TRPS1: variants seen among roughly 807,000 people sequenced by gnomAD.
TRPS1 encodes the protein transcriptional repressor GATA binding 1.
Under a neutral mutation model 101.2 loss-of-function variants are expected in TRPS1, and 6 were observed. The observed-to-expected ratio is 0.06, with a 90% confidence interval of 0.03 to 0.12. TRPS1 has a LOEUF of 0.12. Ranked by LOEUF, TRPS1 falls within the 10% of genes least tolerant of loss-of-function variation. TRPS1 has a pLI of 1.00. For synonymous variants in TRPS1, 578 were observed against 589.8 expected (o/e 0.98, Z 0.29); for missense variants, 1,363 against 1,567.0 (o/e 0.87, Z 2.20).
At chr8:115,588,115 C>T (rs1360709646) in intron 4 of TRPS1, among the ~76,000 whole-genome samples, 1 of 152,200 alleles carries the variant, frequency 6.6e-6, no homozygotes, top group Non-Finnish European at 1.5e-5. Flanking sequence ...CCTGTAGATA[C>T]ACTTCAATTT....
chr8:115,651,037 T>C (rs914002444), intron 1 of TRPS1, among the ~76,000 whole-genome samples: 1 of 152,126 alleles, frequency 6.6e-6, no homozygotes, highest in African/African-American at 2.4e-5. Context: ...CCTGAGAACA[T>C]TCAAAACATG....
At chr8:115,490,943 G>A (rs1391308696) in intron 5 of TRPS1, among the ~76,000 whole-genome samples, 6 of 151,998 alleles carry the variant, frequency 3.9e-5, no homozygotes, top group African/African-American at 1.4e-4. Context: ...TACAATTATC[G>A]AAACACACGG....
At chr8:115,517,735 T>C (rs1378846560) in intron 5 of TRPS1, among the ~76,000 whole-genome samples, 2 of 151,730 alleles carry the variant, frequency 1.3e-5, no homozygotes, top group African/African-American at 4.8e-5. Context: ...ATTTCCAGAC[T>C]ATGTAGGAGA....
intron 5 of TRPS1, among the ~76,000 whole-genome samples, chr8:115,472,830 G>A (rs1814505872): frequency 6.6e-6 from 1 of 152,028 alleles, no homozygotes; most frequent in Non-Finnish European, 1.5e-5. Flanking sequence ...TCTAGGGCTG[G>A]GGCAAATGCC....
intron 6 of TRPS1, among the ~76,000 whole-genome samples, chr8:115,417,596 A>C (rs1271916163): frequency 6.6e-6 from 1 of 152,228 alleles, no homozygotes; most frequent in Non-Finnish European, 1.5e-5. Context: ...ATCCATATTC[A>C]GATGGAGGAT....
chr8:115,553,185 T>C (rs537770579), intron 5 of TRPS1, among the ~76,000 whole-genome samples: 26 of 152,118 alleles, frequency 1.7e-4, no homozygotes, highest in Admixed American at 5.9e-4. Flanking sequence ...AATCATAATA[T>C]ATTAAAATTT....
At chr8:115,460,814 C>A (rs1363188018) in intron 5 of TRPS1, among the ~76,000 whole-genome samples, 1 of 152,160 alleles carries the variant, frequency 6.6e-6, no homozygotes, top group East Asian at 1.9e-4. Flanking sequence ...CAAGCAACAG[C>A]CAACCATGTA....
intron 5 of TRPS1, among the ~76,000 whole-genome samples, chr8:115,579,348 C>T (rs1817391915): frequency 6.6e-6 from 1 of 152,024 alleles, no homozygotes; most frequent in Non-Finnish European, 1.5e-5. Flanking sequence ...TCTTGTGTTA[C>T]CCAATGTATA....
chr8:115,433,252 A>G (rs1320347499), intron 5 of TRPS1, among the ~76,000 whole-genome samples: 1 of 152,046 alleles, frequency 6.6e-6, no homozygotes, highest in East Asian at 1.9e-4. Context: ...TCGGCCTGTT[A>G]GTAAGGCCCT....
At chr8:115,557,515 T>C (rs1052902296) in intron 5 of TRPS1, among the ~76,000 whole-genome samples, 1 of 152,170 alleles carries the variant, frequency 6.6e-6, no homozygotes, top group Non-Finnish European at 1.5e-5. Context: ...GTTGTCCTTG[T>C]GATAGTGACT....
chr8:115,647,261 G>T (rs1206043368), intron 1 of TRPS1, among the ~76,000 whole-genome samples: 1 of 152,062 alleles, frequency 6.6e-6, no homozygotes, highest in African/African-American at 2.4e-5. Flanking sequence ...TCATGATATG[G>T]CCTTACTAAT....
At position 115,587,124 on chromosome 8, in the gene TRPS1, A is replaced by C. The variant is rs764510392; in HGVS notation, c.2577T>G (p.Ala859=). 1.9e-6 allele frequency: 3 copies of C among 1,614,154 alleles called. No individual in the cohort carries two copies. In the Admixed American group the frequency reaches 5.0e-5, roughly 27 times the overall value. Residue 859 remains alanine, a synonymous_variant, in exon 5 of 7, where the codon GCT becomes GCG. Transcript: ENST00000395715. ...CCTGCAGGAATCCCTTGGTTTCCACAGCCAAGCCATAAATAGGTCGCGCCA... is the reference window on the plus strand; with the variant it reads ...CCTGCAGGAATCCCTTGGTTTCCACCGCCAAGCCATAAATAGGTCGCGCCA... ...AHLARPIYGL[A]VETKGFLQGA...
intron 4 of TRPS1, among the ~76,000 whole-genome samples, chr8:115,593,470 T>G (rs2130461741): frequency 6.6e-6 from 1 of 152,320 alleles, no homozygotes; most frequent in South Asian, 2.1e-4. Context: ...ATTTGATAGT[T>G]AAAGCAATGG....
At chr8:115,538,931 AAAAGT>A (rs1447782091) in intron 5 of TRPS1, among the ~76,000 whole-genome samples, 3 of 152,204 alleles carry the variant, frequency 2.0e-5, no homozygotes, top group East Asian at 1.9e-4. Flanking sequence ...ATAATATCAA[AAAAGT>A]AAAGTATTCT....
chr8:115,515,604 T>C (rs1815690885), intron 5 of TRPS1, among the ~76,000 whole-genome samples: 1 of 151,362 alleles, frequency 6.6e-6, no homozygotes. Context: ...TTGGTAATTG[T>C]AAAAAGTTAT....
chr8:115,517,103 C>G (rs1270278589), intron 5 of TRPS1, among the ~76,000 whole-genome samples: 1 of 151,450 alleles, frequency 6.6e-6, no homozygotes, highest in Non-Finnish European at 1.5e-5. Context: ...GTTGTTCATC[C>G]AAATCTAGAA....
intron 5 of TRPS1, among the ~76,000 whole-genome samples, chr8:115,580,246 AT>A (rs565505344): frequency 0.044 from 4,827 of 110,548 alleles, 132 homozygotes; most frequent in African/African-American, 0.12. Context: ...AAAAAAAAAA[AT>A]ATATATATAT....
Position 115,409,304 on chromosome 8 carries a change from T to A in TRPS1, c.*4719A>T, listed in dbSNP as rs562974900. ...AAACAGGGGAAAACCAGAATTGAGT[T>A]TTGGGACTCTATGCTCTAGAAGGAC... On this transcript the variant is annotated 3_prime_UTR_variant, in exon 7 of 7. Transcript: ENST00000395715. 1 of 138,942 alleles carries A rather than the reference T, an allele frequency of 7.2e-6. No individual in the cohort carries two copies. The highest frequency in any genetic ancestry group is 2.4e-4 in the South Asian group (1 of 4,158). 8.6% of individuals were successfully genotyped at this position (138,942 alleles called of 1,614,324 possible).
At chr8:115,493,993 T>C (rs894124440) in intron 5 of TRPS1, among the ~76,000 whole-genome samples, 1 of 152,180 alleles carries the variant, frequency 6.6e-6, no homozygotes, top group East Asian at 1.9e-4. Context: ...GTCACAACTC[T>C]GAAAAAAATA....
Sources: gnomAD v4.1 joint callset for allele counts (sites outside exome capture counted in the v4.1 genomes callset) on GRCh38, gnomAD v4.1.1 for gene constraint, MANE v1.5 for transcripts, NCBI Gene and HGNC (gene_info 2026-07-23, HGNC 2026-07-21) for gene names.